The following GPS1 variants were observed in gnomAD, a reference collection of about 807,000 sequenced individuals.
GPS1 encodes the protein G protein pathway suppressor 1.
Under a neutral mutation model 60.0 loss-of-function variants are expected in GPS1, and 11 were observed. The observed-to-expected ratio is 0.18, with a 90% confidence interval of 0.12 to 0.30. The LOEUF is 0.30. Among genes scored for constraint, GPS1 ranks in the 10% least tolerant of loss-of-function variants. The pLI is 1.00. For synonymous variants in GPS1, 343 were observed against 269.8 expected (o/e 1.27, Z -2.66); for missense variants, 543 against 669.2 (o/e 0.81, Z 2.08).
rs1449809087 is a variant in GPS1 at position 82,057,416 on chromosome 17, C to A, written c.*289C>A. ...ATTTCCCAGACCCCTCCTGTTCCCG[C>A]CTCAGTCAGGTGCAGACAAGTGGGC... On this transcript the variant is annotated 3_prime_UTR_variant, in exon 13 of 13. Transcript: ENST00000578552. 6.4e-6 allele frequency: 4 copies of A among 622,540 alleles called. No homozygotes were observed. Among genetic ancestry groups the A allele is most frequent in the Non-Finnish European group, 1.2e-5 (4 of 332,676 alleles). The allele number at this position is 622,540 out of a possible 1,614,324, so 38.6% of individuals were successfully genotyped here.
chr17:82,055,673 G>A (rs1466943666), intron 6 of GPS1, 67 bp from the exon 7 acceptor site: 2 of 1,150,258 alleles, frequency 1.7e-6, no homozygotes, highest in Non-Finnish European at 2.5e-6. Context: ...CCAGGCGTTA[G>A]CGGCTTCCCC....
chr17:82,051,473 C>T (rs2030569924), upstream of GPS1: 3 of 1,347,940 alleles, frequency 2.2e-6, no homozygotes, highest in Non-Finnish European at 2.9e-6. The surrounding 1 kb of genome is among the most constrained non-coding windows in gnomAD (Gnocchi z 4.1). Flanking sequence ...GCGTGGGGCT[C>T]GCCGTCGGGG....
Position 82,055,990 on chromosome 17 carries a change from C to G in GPS1, c.835-11C>G. 1 of 1,600,894 alleles carries G rather than the reference C, an allele frequency of 6.2e-7. No individual in the cohort carries two copies. The highest frequency in any genetic ancestry group is 8.6e-7 in the Non-Finnish European group (1 of 1,169,380). On this transcript the variant is annotated splice_polypyrimidine_tract_variant and intron_variant, in intron 7 of 12. Coordinates refer to ENST00000578552, the MANE Select transcript of GPS1 (RefSeq NM_001321092.3). The stretch of plus-strand genomic sequence containing the variant: ...CTTCACTGCCTGTGACGCCAGGTCT[C>G]TGCTCCTCAGCTGCTGTCCCCCAGC...
upstream of GPS1, chr17:82,051,333 A>C: frequency 6.8e-7 from 1 of 1,460,384 alleles, no homozygotes; most frequent in Non-Finnish European, 9.0e-7. The surrounding 1 kb of genome is among the most constrained non-coding windows in gnomAD (Gnocchi z 4.1). Context: ...CCGTCGGTGA[A>C]GATAAACGTC....
chr17:82,054,398 G>A (rs1171248853), intron 3 of GPS1, 112 bp from the exon 4 acceptor site: 17 of 1,355,490 alleles, frequency 1.3e-5, no homozygotes, highest in Non-Finnish European at 1.7e-5. Flanking sequence ...AGCGGGAGGT[G>A]CCCACCTGTG....
At position 82,053,385 on chromosome 17, in the gene GPS1, G is replaced by A. The variant is rs1295547511; in HGVS notation, c.126+19G>A. 1 of 1,448,462 alleles carries A rather than the reference G, an allele frequency of 6.9e-7. No homozygotes were observed. The allele number at this position is 1,448,462 out of a possible 1,614,324, so 89.7% of individuals were successfully genotyped here. A position where few individuals can be genotyped will look rare whatever the true frequency, so the allele number is the denominator to read the frequency against. ...CAGCCTGGTACGGAGCCCAGTGGGG[G>A]GACCTTGGGTGTCTCAGTCCTGCTG... is the stretch of plus-strand genomic sequence containing the variant. On this transcript the variant is annotated intron_variant, in intron 2 of 12. Coordinates refer to ENST00000578552, the MANE Select transcript of GPS1 (RefSeq NM_001321092.3).
At chr17:82,052,486 G>A (rs1304060822) in intron 1 of GPS1, 6 of 1,601,552 alleles carry the variant, frequency 3.7e-6, no homozygotes, top group Non-Finnish European at 5.1e-6. Context: ...GGACCCCCGA[G>A]CGAGGGAGGG....
Position 82,057,078 on chromosome 17 carries a change from G to A in GPS1, c.1415G>A (p.Gly472Glu), listed in dbSNP as rs1223132196. The A allele has an allele frequency of 6.3e-7, 1 of 1,584,916 alleles. No homozygotes were observed. Among genetic ancestry groups the A allele is most frequent in the African/African-American group, 1.3e-5 (1 of 74,494 alleles). Reference sequence around the variant, plus strand: ...TCCCCGCCCAGAGAAGGGAGCCAGGGGGAGCTGACTCCAGCCAACAGCCAG... The same window carrying A: ...TCCCCGCCCAGAGAAGGGAGCCAGGAGGAGCTGACTCCAGCCAACAGCCAG... Reference protein sequence around the residue: ...VKSPPREGSQGELTPANSQSR... With the variant: ...VKSPPREGSQEELTPANSQSR... Residue 472 changes from glycine (G) to glutamate (E), a missense_variant, in exon 13 of 13, where the codon GGG becomes GAG. By Grantham distance (98) the Gly-to-Glu change is moderately conservative. This residue lies in a region of GPS1 where 291 missense variants were observed against 353.7 expected (regional missense o/e 0.82). Transcript: ENST00000578552.
In GPS1 at chr17:82,055,757, G is replaced by A. The variant is rs572104126; in HGVS notation, c.766G>A (p.Ala256Thr). 16 of 1,542,486 alleles carry A rather than the reference G, an allele frequency of 1.0e-5. No individual in the cohort carries two copies. In the East Asian group the frequency reaches 1.2e-4, roughly 12 times the overall value. ...TCCACTAGGCTTGGCAGAGCTGGCC[G>A]CCAGGAAGTACAAGCAGGCTGCCAA... is the stretch of plus-strand genomic sequence containing the variant. Reference protein sequence around the residue: ...KCAAGLAELAARKYKQAAKCL... With the variant: ...KCAAGLAELATRKYKQAAKCL... Residue 256 changes from alanine to threonine, a missense_variant, in exon 7 of 13, where the codon GCC (alanine) becomes ACC (threonine). Physicochemically the swap from Ala to Thr is moderately conservative, Grantham distance 58 (BLOSUM62 0). Transcript: ENST00000578552.
chr17:82,051,284 G>T, upstream of GPS1: 1 of 1,383,244 alleles, frequency 7.2e-7, no homozygotes, highest in South Asian at 2.0e-5. This position sits in a 1 kb window ranked among gnomAD's most constrained non-coding sequence, Gnocchi z 4.1. Context: ...GGGGAGTGGG[G>T]GACACTCACC....
At chr17:82,052,566 C>G in intron 1 of GPS1, 3 of 1,342,030 alleles carry the variant, frequency 2.2e-6, no homozygotes, top group Admixed American at 4.8e-5. Flanking sequence ...GACAGGGACT[C>G]AGTGCCAAGC....
chr17:82,053,806 A>C lies in GPS1; in HGVS notation c.127-62A>C. 2.6e-6 allele frequency: 4 copies of C among 1,515,688 alleles called. No homozygotes were observed. In the South Asian group the frequency reaches 4.8e-5, roughly 18 times the overall value. The allele number at this position is 1,515,688 out of a possible 1,614,324, so 93.9% of individuals were successfully genotyped here. A position where few individuals can be genotyped will look rare whatever the true frequency, so the allele number is the denominator to read the frequency against. ...AGTCAGGCCCCAACTCCTGACCCTC[A>C]GGGCCTGGGGCCAGGGTCCTGCCTC... On this transcript the variant is annotated intron_variant, in intron 2 of 12. Transcript: ENST00000578552.
intron 1 of GPS1, chr17:82,052,870 C>T (rs1456001668): frequency 1.2e-5 from 3 of 248,574 alleles, no homozygotes; most frequent in Admixed American, 5.1e-5. Flanking sequence ...GTCCTCCTGC[C>T]TCCTGGGGTT....
At chr17:82,051,480 G>T (rs1477606916), upstream of GPS1, 3 of 1,355,194 alleles carry the variant, frequency 2.2e-6, no homozygotes, top group African/African-American at 1.5e-5. This position sits in a 1 kb window ranked among gnomAD's most constrained non-coding sequence, Gnocchi z 4.1. Flanking sequence ...GCTCGCCGTC[G>T]GGGTCGGGGT....
At chr17:82,051,159 C>T (rs2144237425), upstream of GPS1, 1 of 1,307,772 alleles carries the variant, frequency 7.6e-7, no homozygotes, top group South Asian at 2.5e-5. This position sits in a 1 kb window ranked among gnomAD's most constrained non-coding sequence, Gnocchi z 4.1. Context: ...GTGACCTGGG[C>T]AGCGTCGGGG....
rs775141483 is a variant in GPS1 at position 82,056,358 on chromosome 17, C to T, written c.1002C>T (p.Tyr334=). The part of the protein sequence containing the change: ...DIIFKFYESK[Y]ASCLKMLDEM... ...TCTTCAAATTCTACGAGTCCAAGTA[C>T]GCCTCATGTCTCAAGATGCTGGACG... The change falls in exon 9 of 13, where the codon TAC becomes TAT. Residue 334 remains tyrosine, a synonymous_variant. Transcript: ENST00000578552. 2.9e-5 allele frequency: 47 copies of T among 1,613,136 alleles called. No homozygotes were observed. The highest frequency in any genetic ancestry group is 6.7e-5 in the Admixed American group (4 of 59,990).
In GPS1 at chr17:82,056,577, C is replaced by T. The variant is rs148008686; in HGVS notation, c.1116+27C>T. The T allele has an allele frequency of 6.6e-4, 1,062 of 1,612,590 alleles. 12 individuals are homozygous for T. The East Asian group carries it at 0.019, about 29-fold the overall frequency. ...TAAGCGTGGGGGTCAGGCTGGCACA[C>T]GGCAGGCGGGCATGCAGGGGGCTGT... On this transcript the variant is annotated intron_variant, in intron 10 of 12. Transcript: ENST00000578552.
chr17:82,053,666 A>T (rs1422172860), intron 2 of GPS1: 3 of 591,804 alleles, frequency 5.1e-6, no homozygotes, highest in Non-Finnish European at 5.8e-6. Context: ...CCCACTCCTG[A>T]GGCTCCTGCG....
At chr17:82,051,747 G>A (rs2144260103), upstream of GPS1, 2 of 1,081,142 alleles carry the variant, frequency 1.8e-6, no homozygotes, top group Non-Finnish European at 2.2e-6. This position sits in a 1 kb window ranked among gnomAD's most constrained non-coding sequence, Gnocchi z 4.1. Flanking sequence ...CCGGCACAGC[G>A]CCCCACGCGC....
Sources: gnomAD v4.1 joint callset for allele counts on GRCh38, gnomAD v4.1.1 for gene constraint, gnomAD v4.1.1 regional missense constraint, Gnocchi (gnomAD v3.1) non-coding constraint, MANE v1.5 for transcripts, NCBI Gene and HGNC (gene_info 2026-07-23, HGNC 2026-07-21) for gene names.